The following TBL1X variants were observed in gnomAD, a reference collection of about 807,000 sequenced individuals.
TBL1X encodes the protein transducin beta like 1 X-linked, also known as F-box-like/WD repeat-containing protein TBL1X.
Under a neutral mutation model 50.7 loss-of-function variants are expected in TBL1X, and 10 were observed. The ratio of observed to expected loss-of-function variants is 0.20; its 90% confidence interval spans 0.12 to 0.33. The LOEUF (loss-of-function observed/expected upper bound fraction) is 0.33, where lower values mean the gene tolerates loss of function less well. TBL1X is among the 10% of genes least tolerant of loss of function. The probability of loss-of-function intolerance (pLI) is 1.00; values close to 1 mark genes in which losing one functional copy is unlikely to be tolerated. For missense variants in TBL1X, 340 were observed against 504.4 expected, an observed-to-expected ratio of 0.67 and a Z score of 3.12; for synonymous variants, 190 against 214.7, an observed-to-expected ratio of 0.88 and a Z score of 1.01.
chrX:9,687,596 G>C (rs979789732), intron 6 of TBL1X, among the ~76,000 whole-genome samples: 2 of 110,771 alleles, frequency 1.8e-5, no homozygotes, highest in Non-Finnish European at 3.8e-5. Flanking sequence ...CAGATGCCAG[G>C]AGCACCTCTC....
intron 2 of TBL1X, among the ~76,000 whole-genome samples, chrX:9,536,193 A>G (rs777208168): frequency 9.0e-6 from 1 of 111,435 alleles, no homozygotes; most frequent in Non-Finnish European, 1.9e-5. Context: ...GGCCATTACA[A>G]AAAGCTGTCC....
At chrX:9,685,956 G>A (rs989696836) in intron 6 of TBL1X, among the ~76,000 whole-genome samples, 7 of 110,395 alleles carry the variant, frequency 6.3e-5, no homozygotes, top group East Asian at 2.8e-4. Flanking sequence ...CGATCCTCCC[G>A]CGATCCTCCC....
At position 9,717,206 on chromosome X, in the gene TBL1X, GA is replaced by G. The variant is rs58867285; in HGVS notation, c.*969del. ...CAGGGCAGGGGGGCTTTTTACAGGA[GA>G]AAAAAAAATGACTTATAAGAGAAAG... On this transcript the variant is annotated 3_prime_UTR_variant, in exon 18 of 18. Transcript: ENST00000645353. 24,922 of 105,967 alleles carry G rather than the reference GA, an allele frequency of 0.24. 2,490 individuals carry two copies. Among genetic ancestry groups the G allele is most frequent in the East Asian group, 0.67 (2,236 of 3,351 alleles). The allele number at this position is 105,967 out of a possible 1,213,427, so 8.7% of individuals were successfully genotyped here. A position where few individuals can be genotyped will look rare whatever the true frequency, so the allele number is the denominator to read the frequency against.
intron 1 of TBL1X, among the ~76,000 whole-genome samples, chrX:9,489,137 A>T (rs2081928742): frequency 9.0e-6 from 1 of 110,498 alleles, no homozygotes; most frequent in Admixed American, 9.7e-5. Flanking sequence ...TGCCAGAGCT[A>T]CTTTTCTGGA....
intron 7 of TBL1X, 96 bp from the exon 8 acceptor site, chrX:9,691,483 G>T: frequency 3.6e-5 from 27 of 755,908 alleles, no homozygotes; most frequent in Non-Finnish European, 4.7e-5. Context: ...GTAGTATTTA[G>T]TACATAAAAA....
intron 3 of TBL1X, among the ~76,000 whole-genome samples, chrX:9,651,270 C>T (rs962025678): frequency 1.8e-5 from 2 of 111,431 alleles, no homozygotes; most frequent in South Asian, 3.7e-4. Context: ...GTCTCAAACT[C>T]CTGGGCTCAA....
chrX:9,646,870 C>G (rs148573877), intron 3 of TBL1X, among the ~76,000 whole-genome samples: 1 of 112,339 alleles, frequency 8.9e-6, no homozygotes, highest in Non-Finnish European at 1.9e-5. Context: ...CTACAATACA[C>G]GCCCCCTTCA....
rs760016495 is a variant in TBL1X, at chrX:9,717,846, A to G, written c.*1600A>G. The G allele has an allele frequency of 6.2e-5, 7 of 112,177 alleles. No homozygotes were observed. Among genetic ancestry groups the G allele is most frequent in the African/African-American group, 2.3e-4 (7 of 30,923 alleles). 9.2% of individuals were successfully genotyped at this position (112,177 alleles called of 1,213,427 possible). Reference sequence around the variant, plus strand: ...ATTATAGAGGTAGAACGTCGCTAATAATTTCTGCCATCTTTATAATTTCTT... The same window carrying G: ...ATTATAGAGGTAGAACGTCGCTAATGATTTCTGCCATCTTTATAATTTCTT... On this transcript the variant is annotated 3_prime_UTR_variant, in exon 18 of 18. Transcript: ENST00000645353.
intron 5 of TBL1X, among the ~76,000 whole-genome samples, chrX:9,667,293 G>A (rs778867621): frequency 1.8e-5 from 2 of 111,449 alleles, no homozygotes; most frequent in Non-Finnish European, 3.8e-5. Flanking sequence ...GCTATAAAGG[G>A]TTTGTGAAGG....
chrX:9,688,326 T>C lies in TBL1X; in HGVS notation c.616+51T>C, dbSNP rs186566747. ...GGTGGGCCTCTCTGGGTTCATTGTT[T>C]TCTTCTTGGGCAAATCCGAATGCCT... On this transcript the variant is annotated intron_variant, in intron 7 of 17. Transcript: ENST00000645353. 1.8e-4 allele frequency: 183 copies of C among 1,040,803 alleles called. No individual in the cohort carries two copies. In the African/African-American group the frequency reaches 3.1e-3, roughly 17 times the overall value. 85.8% of individuals were successfully genotyped at this position (1,040,803 alleles called of 1,213,427 possible). A position where few individuals can be genotyped will look rare whatever the true frequency, so the allele number is the denominator to read the frequency against.
At chrX:9,585,328 A>ACCCCCCCC (rs1262756915) in intron 2 of TBL1X, among the ~76,000 whole-genome samples, 51 of 54,620 alleles carry the variant, frequency 9.3e-4, no homozygotes, top group South Asian at 4.0e-3. Flanking sequence ...GCTCCATGCC[A>ACCCCCCCC]CCCCCCTCCC....
intron 12 of TBL1X, among the ~76,000 whole-genome samples, chrX:9,701,580 A>G (rs1458374992): frequency 2.9e-5 from 3 of 105,085 alleles, no homozygotes; most frequent in African/African-American, 1.1e-4. Flanking sequence ...AAAAAAAAAA[A>G]AAAAAAAAAA....
chrX:9,588,947 T>A (rs181278448), intron 2 of TBL1X, among the ~76,000 whole-genome samples: 1 of 111,513 alleles, frequency 9.0e-6, no homozygotes, highest in African/African-American at 3.3e-5. Flanking sequence ...TTGTTTCTTT[T>A]GATGGTTGAA....
chrX:9,482,039 AC>A (rs1328972070), intron 1 of TBL1X, among the ~76,000 whole-genome samples: 18 of 111,921 alleles, frequency 1.6e-4, no homozygotes, highest in African/African-American at 5.8e-4. Context: ...AAACTATAGA[AC>A]ACCTGTTGTT....
chrX:9,490,601 T>C (rs1328742483), intron 1 of TBL1X, among the ~76,000 whole-genome samples: 1 of 112,014 alleles, frequency 8.9e-6, no homozygotes, highest in Non-Finnish European at 1.9e-5. Context: ...TGCAAGACTG[T>C]TCCAACTGGG....
At chrX:9,715,041 TG>T in intron 17 of TBL1X, 38 bp downstream of exon 17, 1 of 1,150,120 alleles carries the variant, frequency 8.7e-7, no homozygotes, top group East Asian at 3.0e-5. Context: ...AGTGGGGTGT[TG>T]GGGGCAGCTG....
At chrX:9,521,613 G>A (rs2146966281) in intron 2 of TBL1X, among the ~76,000 whole-genome samples, 1 of 112,242 alleles carries the variant, frequency 8.9e-6, no homozygotes, top group African/African-American at 3.2e-5. Flanking sequence ...CTCAAATCCT[G>A]TAGTCCTCTC....
chrX:9,713,426 C>T (rs6640483), intron 16 of TBL1X, among the ~76,000 whole-genome samples: 24,583 of 77,894 alleles, frequency 0.32, 3,088 homozygotes, highest in East Asian at 0.65. Context: ...TAGGACTTTT[C>T]TTTTTTTTTT....
At chrX:9,532,272 C>T (rs748036179) in intron 2 of TBL1X, among the ~76,000 whole-genome samples, 2 of 111,847 alleles carry the variant, frequency 1.8e-5, no homozygotes, top group Non-Finnish European at 3.8e-5. Flanking sequence ...TCTGCCCCAC[C>T]CTGGACATCT....
Sources: gnomAD v4.1 joint callset for allele counts (sites outside exome capture counted in the v4.1 genomes callset) on GRCh38, gnomAD v4.1.1 for gene constraint, MANE v1.5 for transcripts, NCBI Gene and HGNC (gene_info 2026-07-23, HGNC 2026-07-21) for gene names.